The following CEP63 variants were observed in gnomAD, a reference collection of about 807,000 sequenced individuals.
The protein encoded by CEP63 is centrosomal protein 63, also known as centrosomal protein of 63 kDa.
Under a neutral mutation model 89.1 loss-of-function variants are expected in CEP63, and 84 were observed. That is an observed-to-expected ratio of 0.94 (90% CI 0.79 to 1.13). CEP63 has a LOEUF of 1.13. Ranked by LOEUF, CEP63 falls within the 50% of genes most tolerant of loss-of-function variation. The pLI is 0.00. For missense variants in CEP63, 838 were observed against 813.3 expected (o/e 1.03, Z -0.37); for synonymous variants, 267 against 272.5 (o/e 0.98, Z 0.20).
rs1421417309 is a variant in CEP63, at chr3:134,532,909, A to G, written c.441+9A>G. The G allele has an allele frequency of 5.0e-6, 8 of 1,613,134 alleles. No homozygotes were observed. The highest frequency in any genetic ancestry group is 2.2e-5 in the East Asian group (1 of 44,824). ...TAACTGCAAAAATAGAGGTATGTTC[A>G]TAGTAATAATTTGTTCATAGTGATT... On this transcript the variant is annotated intron_variant, in intron 5 of 14. Transcript: ENST00000675561.
the CEP63 span, among the ~76,000 whole-genome samples, chr3:134,781,390 C>G: frequency 1.3e-5 from 2 of 152,168 alleles, no homozygotes; most frequent in African/African-American, 4.8e-5. Context: ...AAGGCCTTTA[C>G]AAACTTTCTT....
rs1185512000 is a variant in CEP63 at position 134,564,552 on chromosome 3, C to T, written c.*3017C>T. ...AGTCAGCATGCTGCCTAACACATAA[C>T]AGATCCTAAGCAAATATTGGGTGGA... On this transcript the variant is annotated 3_prime_UTR_variant, in exon 15 of 15. Transcript: ENST00000675561. 1 of 985,316 alleles carries T rather than the reference C, an allele frequency of 1.0e-6. No homozygotes were observed. The highest frequency in any genetic ancestry group is 1.2e-6 in the Non-Finnish European group (1 of 829,932). The allele number at this position is 985,316 out of a possible 1,614,324, so 61.0% of individuals were successfully genotyped here. A position where few individuals can be genotyped will look rare whatever the true frequency, so the allele number is the denominator to read the frequency against.
chr3:134,639,073 T>G, the CEP63 span, among the ~76,000 whole-genome samples: 7 of 150,902 alleles, frequency 4.6e-5, no homozygotes, highest in Admixed American at 1.3e-4. Context: ...CTTTGGAGTT[T>G]TTTTTTTTTT....
the CEP63 span, among the ~76,000 whole-genome samples, chr3:134,669,993 C>G: frequency 6.6e-6 from 1 of 152,120 alleles, no homozygotes; most frequent in East Asian, 1.9e-4. Flanking sequence ...AAAAGAGACC[C>G]TGAGAGCTCC....
intron 6 of CEP63, among the ~76,000 whole-genome samples, chr3:134,544,960 A>AT (rs1440093212): frequency 6.6e-6 from 1 of 151,912 alleles, no homozygotes; most frequent in East Asian, 1.9e-4. Flanking sequence ...TGATCCTCCC[A>AT]TGCCACTGTG....
At chr3:134,650,433 C>G in the CEP63 span, among the ~76,000 whole-genome samples, 1 of 152,188 alleles carries the variant, frequency 6.6e-6, no homozygotes, top group African/African-American at 2.4e-5. Flanking sequence ...TCCCCTGTGC[C>G]CTGCAGTGTG....
chr3:134,731,636 G>A, the CEP63 span, among the ~76,000 whole-genome samples: 2 of 152,136 alleles, frequency 1.3e-5, no homozygotes, highest in Non-Finnish European at 2.9e-5. Context: ...CAAAATCAGT[G>A]ATTTGAGAAG....
downstream of CEP63, among the ~76,000 whole-genome samples, chr3:134,588,933 C>T (rs1488369379): frequency 6.6e-6 from 1 of 152,186 alleles, no homozygotes; most frequent in Non-Finnish European, 1.5e-5. Context: ...TCAATAACTC[C>T]TTGCCAACAG....
chr3:134,761,273 T>C, the CEP63 span, among the ~76,000 whole-genome samples: 1 of 152,208 alleles, frequency 6.6e-6, no homozygotes, highest in African/African-American at 2.4e-5. Flanking sequence ...CCTAATTAAA[T>C]CTTCAGGGTT....
the CEP63 span, chr3:134,607,676 T>A: frequency 3.0e-6 from 3 of 985,756 alleles, no homozygotes; most frequent in South Asian, 1.4e-4. Flanking sequence ...GTTCTGGCCC[T>A]CCAGGGCAGC....
chr3:134,571,082 A>G (rs954049574), intron 11 of CEP63, among the ~76,000 whole-genome samples: 3 of 152,246 alleles, frequency 2.0e-5, no homozygotes, highest in African/African-American at 4.8e-5. Flanking sequence ...TGGGAATTTA[A>G]GATGAGATTT....
intron 9 of CEP63, among the ~76,000 whole-genome samples, chr3:134,548,523 T>C (rs1004496805): frequency 6.6e-6 from 1 of 152,212 alleles, no homozygotes; most frequent in African/African-American, 2.4e-5. Flanking sequence ...TTTAAACACA[T>C]GAATCATGAT....
At chr3:134,618,056 G>A in the CEP63 span, among the ~76,000 whole-genome samples, 18 of 152,136 alleles carry the variant, frequency 1.2e-4, no homozygotes, top group Non-Finnish European at 2.1e-4. Context: ...CTGACCCACC[G>A]TGGCTGCGTC....
At chr3:134,691,263 T>C in the CEP63 span, among the ~76,000 whole-genome samples, 4 of 151,850 alleles carry the variant, frequency 2.6e-5, no homozygotes, top group African/African-American at 4.8e-5. Flanking sequence ...GAGGCTGAGC[T>C]GGGAGGATCT....
chr3:134,603,539 G>A, the CEP63 span: 4 of 1,531,730 alleles, frequency 2.6e-6, no homozygotes, highest in Admixed American at 7.9e-5. Flanking sequence ...GGGGAGGTCT[G>A]GCCTTGGCCC....
intron 10 of CEP63, among the ~76,000 whole-genome samples, chr3:134,583,279 C>G (rs1958405890): frequency 1.3e-5 from 2 of 152,126 alleles, no homozygotes; most frequent in African/African-American, 4.8e-5. Flanking sequence ...AATGGTATTG[C>G]CTAAGTTTTC....
the CEP63 span, chr3:134,608,601 A>T: frequency 6.2e-7 from 1 of 1,613,718 alleles, no homozygotes; most frequent in Non-Finnish European, 8.5e-7. Context: ...GACAGTGCGA[A>T]ATGCTCCATT....
chr3:134,497,967 A>G (rs1269701406), intron 2 of CEP63, among the ~76,000 whole-genome samples: 1 of 152,128 alleles, frequency 6.6e-6, no homozygotes, highest in Non-Finnish European at 1.5e-5. Context: ...TTTGGTTATT[A>G]TAGCTTGGTA....
the CEP63 span, among the ~76,000 whole-genome samples, chr3:134,700,663 C>T: frequency 1.2e-4 from 18 of 152,220 alleles, no homozygotes; most frequent in Non-Finnish European, 2.2e-4. Context: ...TAACATCTTT[C>T]CAATACAGTC....
Sources: allele counts gnomAD v4.1 joint callset (sites outside exome capture counted in the v4.1 genomes callset), GRCh38; gene constraint gnomAD v4.1.1; transcripts MANE v1.5; gene names NCBI Gene and HGNC (gene_info 2026-07-23, HGNC 2026-07-21).